The following NRXN3 variants were observed in gnomAD, a reference collection of about 807,000 sequenced individuals.
The protein encoded by NRXN3 is neurexin 3.
Under a neutral mutation model 137.6 loss-of-function variants are expected in NRXN3, and 32 were observed. The ratio of observed to expected loss-of-function variants is 0.23; its 90% CI spans 0.18 to 0.31. NRXN3 has a LOEUF of 0.31. NRXN3 is among the 10% of genes least tolerant of loss of function. The pLI is 1.00. For missense variants in NRXN3, 1,574 were observed against 2,062.5 expected (o/e 0.76, Z 4.59); for synonymous variants, 798 against 784.5 (o/e 1.02, Z -0.29).
intron 4 of NRXN3, among the ~76,000 whole-genome samples, chr14:78,605,617 C>A (rs2097243841): frequency 6.6e-6 from 1 of 152,052 alleles, no homozygotes; most frequent in Non-Finnish European, 1.5e-5. Context: ...GGCGCCATCT[C>A]TGGGTATTTT....
At chr14:79,623,152 A>G (rs1344027748) in intron 16 of NRXN3, among the ~76,000 whole-genome samples, 1 of 151,902 alleles carries the variant, frequency 6.6e-6, no homozygotes, top group East Asian at 1.9e-4. Flanking sequence ...GAATGCATCC[A>G]CTCTTCCCTA....
At chr14:78,865,899 C>A (rs1012152934) in intron 10 of NRXN3, among the ~76,000 whole-genome samples, 6 of 152,038 alleles carry the variant, frequency 3.9e-5, no homozygotes, top group Admixed American at 3.9e-4. Context: ...AATTTCAGAG[C>A]CCCTGAAATA....
intron 19 of NRXN3, among the ~76,000 whole-genome samples, chr14:79,799,818 C>T (rs1298222909): frequency 1.3e-5 from 2 of 152,188 alleles, no homozygotes; most frequent in South Asian, 4.1e-4. Context: ...ATTCGGTTTA[C>T]TACATCAAGT....
intron 4 of NRXN3, among the ~76,000 whole-genome samples, chr14:78,509,166 A>G (rs2096057483): frequency 6.6e-6 from 1 of 152,036 alleles, no homozygotes; most frequent in Non-Finnish European, 1.5e-5. Context: ...TGGCATAGTG[A>G]CACATGCTTG....
chr14:78,434,300 G>A (rs1403961635), intron 4 of NRXN3, among the ~76,000 whole-genome samples: 1 of 152,160 alleles, frequency 6.6e-6, no homozygotes, highest in Non-Finnish European at 1.5e-5. Context: ...GGTTGTGAGG[G>A]AGGGATCTGT....
chr14:78,560,448 G>A (rs1600475612), intron 4 of NRXN3, among the ~76,000 whole-genome samples: 1 of 152,212 alleles, frequency 6.6e-6, no homozygotes, highest in Non-Finnish European at 1.5e-5. Context: ...TAATGCATGA[G>A]TGTTTATTTA....
At chr14:78,402,476 T>C (rs1288443797) in intron 4 of NRXN3, among the ~76,000 whole-genome samples, 1 of 152,218 alleles carries the variant, frequency 6.6e-6, no homozygotes, top group Admixed American at 6.5e-5. Context: ...TTTAAGAATC[T>C]TTACCATTCC....
At chr14:78,722,355 T>C (rs2098464065) in intron 8 of NRXN3, among the ~76,000 whole-genome samples, 1 of 152,222 alleles carries the variant, frequency 6.6e-6, no homozygotes. Context: ...TCTTTATTAC[T>C]GTGTGTGCTC....
intron 16 of NRXN3, among the ~76,000 whole-genome samples, chr14:79,617,917 C>CAAAAAAAACAAAAAAAAAAACAAA (rs2098176168): frequency 1.1e-5 from 1 of 91,332 alleles, no homozygotes; most frequent in African/African-American, 5.8e-5. Flanking sequence ...TGAATAGCAG[C>CAAAAAAAACAAAAAAAAAAACAAA]AAAAAAAAAA....
intron 18 of NRXN3, among the ~76,000 whole-genome samples, chr14:79,692,812 G>A (rs1008589903): frequency 6.6e-6 from 1 of 151,906 alleles, no homozygotes; most frequent in African/African-American, 2.4e-5. Flanking sequence ...TGAAAAAGAT[G>A]AATTTTGCCT....
At chr14:79,370,997 G>A (rs1005829302) in intron 15 of NRXN3, among the ~76,000 whole-genome samples, 2 of 152,168 alleles carry the variant, frequency 1.3e-5, no homozygotes, top group Non-Finnish European at 2.9e-5. Flanking sequence ...GAGTCATACA[G>A]CGAAGCAGAA....
At chr14:79,162,232 G>A (rs1247452025) in intron 15 of NRXN3, among the ~76,000 whole-genome samples, 5 of 150,532 alleles carry the variant, frequency 3.3e-5, no homozygotes, top group South Asian at 2.1e-4. Context: ...ATGCTGGTGC[G>A]CTGCACCCAC....
chr14:79,375,235 G>T (rs1456377042), intron 15 of NRXN3, among the ~76,000 whole-genome samples: 26 of 129,940 alleles, frequency 2.0e-4, no homozygotes, highest in Admixed American at 2.5e-4. Context: ...GAGTTTTTGT[G>T]TTTTTTTTTT....
At chr14:79,532,181 C>G (rs917956558) in intron 16 of NRXN3, among the ~76,000 whole-genome samples, 1 of 152,126 alleles carries the variant, frequency 6.6e-6, no homozygotes, top group African/African-American at 2.4e-5. Context: ...CCCACATTAG[C>G]ATTTATAGCA....
At chr14:78,197,599 C>T (rs567235062) in intron 1 of NRXN3, among the ~76,000 whole-genome samples, 7 of 152,322 alleles carry the variant, frequency 4.6e-5, no homozygotes, top group African/African-American at 1.7e-4. Flanking sequence ...AACAGGCTGG[C>T]AAGAGTGGGT....
chr14:78,833,451 T>C (rs2152413367), intron 10 of NRXN3, among the ~76,000 whole-genome samples: 1 of 152,276 alleles, frequency 6.6e-6, no homozygotes, highest in Middle Eastern at 3.4e-3. Context: ...AAGGTGAACA[T>C]CCCTTGGACT....
chr14:79,232,242 T>TTG (rs985750587), intron 15 of NRXN3, among the ~76,000 whole-genome samples: 3 of 152,042 alleles, frequency 2.0e-5, no homozygotes, highest in Middle Eastern at 6.8e-3. Context: ...TGCCACGTCT[T>TTG]TGTGTGTGTG....
intron 16 of NRXN3, among the ~76,000 whole-genome samples, chr14:79,628,669 A>G (rs981673122): frequency 3.9e-5 from 6 of 152,228 alleles, no homozygotes; most frequent in African/African-American, 1.2e-4. Flanking sequence ...GTAACAAAGC[A>G]TGGTACCTGA....
chr14:79,658,303 G>A (rs1038852596), intron 16 of NRXN3, among the ~76,000 whole-genome samples: 1 of 152,108 alleles, frequency 6.6e-6, no homozygotes, highest in Non-Finnish European at 1.5e-5. Context: ...AGGTAGCCTG[G>A]TTTATGTTGC....
Sources: gnomAD v4.1 joint callset for allele counts (sites outside exome capture counted in the v4.1 genomes callset) on GRCh38, gnomAD v4.1.1 for gene constraint, MANE v1.5 for transcripts, NCBI Gene and HGNC (gene_info 2026-07-23, HGNC 2026-07-21) for gene names.